The following ORC3 variants were observed in gnomAD, a reference collection of about 807,000 sequenced individuals.
ORC3 encodes the protein homolog of latheo, Drosophila.
Under a neutral mutation model 100.7 loss-of-function variants are expected in ORC3, and 78 were observed. That is an observed-to-expected ratio of 0.77 (90% CI 0.65 to 0.94). The LOEUF is 0.94. ORC3 is among the 40% of genes least tolerant of loss of function. The pLI is 0.00. For missense variants in ORC3, 789 were observed against 823.9 expected, an observed-to-expected ratio of 0.96 and a Z score of 0.52; for synonymous variants, 295 against 289.3, an observed-to-expected ratio of 1.02 and a Z score of -0.20.
chr6:87,677,238 C>T, the ORC3 span, among the ~76,000 whole-genome samples: 1 of 152,064 alleles, frequency 6.6e-6, no homozygotes, highest in Non-Finnish European at 1.5e-5. Flanking sequence ...GATCAAGTAT[C>T]ACAGAAAAAG....
the ORC3 span, among the ~76,000 whole-genome samples, chr6:87,674,228 G>A: frequency 6.7e-6 from 1 of 150,068 alleles, no homozygotes; most frequent in Non-Finnish European, 1.5e-5. Context: ...CTTGAACCTG[G>A]GAGGCAGAGA....
At chr6:87,602,535 A>T (rs1013805320) in intron 3 of ORC3, among the ~76,000 whole-genome samples, 1 of 150,796 alleles carries the variant, frequency 6.6e-6, no homozygotes, top group Non-Finnish European at 1.5e-5. Flanking sequence ...AAGGTTATAT[A>T]CTTTCCAGTT....
rs1333771931 is a variant in ORC3 at position 87,619,685 on chromosome 6, C to T, written c.988-1669C>T. Among the ~76,000 whole-genome samples the T allele has an allele frequency of 2.6e-5, 4 of 152,182 alleles. No individual in the cohort carries two copies. In the East Asian group the frequency reaches 5.8e-4, roughly 22 times the overall value. ...CCTCCCAAAGTACTGATATTATAGG[C>T]GTGAGCCACCTTGCCTGGCCTGCAT... On this transcript the variant is annotated intron_variant, in intron 9 of 19. Coordinates refer to ENST00000392844, the MANE Select transcript of ORC3 (RefSeq NM_012381.4).
At position 87,611,459 on chromosome 6, in the gene ORC3, A is replaced by C. The variant is rs28381490; in HGVS notation, c.714-630A>C. Among the ~76,000 whole-genome samples the C allele has an allele frequency of 1.5e-3, 228 of 152,232 alleles. 1 individual carries two copies. The highest frequency in any genetic ancestry group is 6.8e-3 in the Middle Eastern group (2 of 294). Reference sequence around the variant, plus strand: ...AACTTTGAATGAGATATTAAATGGAATGGTATCTAACATCTCTTCTAACAC... The same window carrying C: ...AACTTTGAATGAGATATTAAATGGACTGGTATCTAACATCTCTTCTAACAC... On this transcript the variant is annotated intron_variant, in intron 7 of 19. Transcript: ENST00000392844.
chr6:87,597,680 T>TACACACACAC (rs55758892), intron 2 of ORC3, among the ~76,000 whole-genome samples: 11 of 138,436 alleles, frequency 7.9e-5, no homozygotes, highest in African/African-American at 3.2e-4. Flanking sequence ...TATATATATA[T>TACACACACAC]ACACACACAC....
At chr6:87,661,373 T>C (rs1338033111) in intron 16 of ORC3, among the ~76,000 whole-genome samples, 1 of 152,124 alleles carries the variant, frequency 6.6e-6, no homozygotes, top group Non-Finnish European at 1.5e-5. Context: ...GTCAAAATCA[T>C]ACACTCTTTG....
At chr6:87,651,276 T>G in intron 13 of ORC3, 1 of 456,312 alleles carries the variant, frequency 2.2e-6, no homozygotes, top group South Asian at 1.5e-5. Context: ...TGCTGCTAAC[T>G]TGGGTTAGAT....
intron 12 of ORC3, among the ~76,000 whole-genome samples, chr6:87,636,175 G>A (rs1467039554): frequency 2.6e-5 from 4 of 151,840 alleles, no homozygotes; most frequent in East Asian, 1.9e-4. Context: ...CTCCTGATCC[G>A]CCCGCCTCAG....
chr6:87,598,528 A>G (rs1777633149), intron 2 of ORC3, among the ~76,000 whole-genome samples: 1 of 152,190 alleles, frequency 6.6e-6, no homozygotes. Context: ...TATAAGGCCA[A>G]GTTTCTATTT....
chr6:87,630,058 G>T (rs1382419983), intron 11 of ORC3, among the ~76,000 whole-genome samples: 1 of 152,050 alleles, frequency 6.6e-6, no homozygotes, highest in Non-Finnish European at 1.5e-5. Flanking sequence ...GAAATTTTAC[G>T]TTACAAATTC....
chr6:87,676,623 A>ACAC, the ORC3 span, among the ~76,000 whole-genome samples: 2 of 148,090 alleles, frequency 1.4e-5, no homozygotes, highest in African/African-American at 5.0e-5. Context: ...ACACACACAC[A>ACAC]CACAAACATA....
intron 1 of ORC3, among the ~76,000 whole-genome samples, chr6:87,590,753 G>A (rs1007739056): frequency 3.9e-5 from 6 of 152,108 alleles, no homozygotes; most frequent in Non-Finnish European, 7.3e-5. Context: ...GGGCGAGGAG[G>A]GCAGAGAGAA....
chr6:87,613,292 A>T (rs982900039), intron 8 of ORC3, among the ~76,000 whole-genome samples: 5 of 152,140 alleles, frequency 3.3e-5, no homozygotes, highest in Admixed American at 1.3e-4. Context: ...AAACCATCAG[A>T]TCTCATGAGA....
chr6:87,615,142 C>T (rs575896590), intron 8 of ORC3, among the ~76,000 whole-genome samples: 2 of 152,308 alleles, frequency 1.3e-5, no homozygotes, highest in East Asian at 3.9e-4. Context: ...TCACATCTTA[C>T]ATGGCTGGTA....
chr6:87,643,278 C>T (rs1768422511), intron 13 of ORC3, among the ~76,000 whole-genome samples: 1 of 152,098 alleles, frequency 6.6e-6, no homozygotes, highest in South Asian at 2.1e-4. Flanking sequence ...CAGCTCTTTC[C>T]CCAGAGCTTC....
At chr6:87,672,646 G>A in the ORC3 span, among the ~76,000 whole-genome samples, 1 of 152,180 alleles carries the variant, frequency 6.6e-6, no homozygotes, top group African/African-American at 2.4e-5. Context: ...CACCTAGGCA[G>A]CATATTAAAC....
At chr6:87,599,526 C>T (rs1777730770) in intron 2 of ORC3, among the ~76,000 whole-genome samples, 1 of 151,908 alleles carries the variant, frequency 6.6e-6, no homozygotes. Context: ...TGCCACCACG[C>T]CCGGCTAATT....
intron 16 of ORC3, among the ~76,000 whole-genome samples, chr6:87,661,138 A>G (rs1770145346): frequency 6.6e-6 from 1 of 152,208 alleles, no homozygotes; most frequent in Non-Finnish European, 1.5e-5. Flanking sequence ...TCCTTATTAC[A>G]TAGCAGGGAC....
chr6:87,590,818 T>TA (rs1377672765), intron 1 of ORC3, among the ~76,000 whole-genome samples: 3 of 152,070 alleles, frequency 2.0e-5, no homozygotes, highest in Non-Finnish European at 4.4e-5. Context: ...TAGAGGAATT[T>TA]AAAAATCATA....
Sources: gnomAD v4.1 joint callset for allele counts (sites outside exome capture counted in the v4.1 genomes callset) on GRCh38, gnomAD v4.1.1 for gene constraint, MANE v1.5 for transcripts, NCBI Gene and HGNC (gene_info 2026-07-23, HGNC 2026-07-21) for gene names.